Variants in DBR1 observed in about 807,000 individuals in gnomAD.
DBR1 encodes lariat debranching enzyme.
A neutral mutation model predicts 45.9 loss-of-function variants in DBR1; 33 were observed. The ratio of observed to expected loss-of-function variants is 0.72; its 90% CI spans 0.55 to 0.96. The LOEUF (loss-of-function observed/expected upper bound fraction) is 0.96, where lower values mean the gene tolerates loss of function less well. DBR1 is among the 40% of genes least tolerant of loss of function. The pLI is 0.00. For synonymous variants in DBR1, 235 were observed against 235.9 expected, an observed-to-expected ratio of 1.00 and a Z score of 0.04; for missense variants, 619 against 667.4, an observed-to-expected ratio of 0.93 and a Z score of 0.80.
chr3:138,163,038 G>A (rs2042914930), intron 7 of DBR1, among the ~76,000 whole-genome samples: 1 of 152,124 alleles, frequency 6.6e-6, no homozygotes, highest in Non-Finnish European at 1.5e-5. Flanking sequence ...GAGGTGGATA[G>A]CTTGAGCTCA....
In DBR1 at chr3:138,170,165, G is replaced by A. The variant is rs770204989; in HGVS notation, c.431C>T (p.Ser144Leu). 1 of 1,596,392 alleles carries A rather than the reference G, an allele frequency of 6.3e-7. No individual in the cohort carries two copies. The highest frequency in any genetic ancestry group is 8.5e-7 in the Non-Finnish European group (1 of 1,169,824). The change falls in exon 4 of 8, where the codon TCA (serine) becomes TTA (leucine). Residue 144 changes from serine (S) to leucine (L), a missense_variant. Transcript: ENST00000260803. Reference sequence around the variant, plus strand: ...ATGATATATACTCCTGATTGTAGATGAATTATAAGGGGGGCACTCAAAATG... The same window carrying A: ...ATGATATATACTCCTGATTGTAGATAAATTATAAGGGGGGCACTCAAAATG... ...KGHFECPPYN[S>L]STIRSIYHVR...
chr3:138,168,053 G>T (rs926486623), intron 4 of DBR1, among the ~76,000 whole-genome samples: 6 of 151,132 alleles, frequency 4.0e-5, no homozygotes, highest in African/African-American at 1.5e-4. Flanking sequence ...AGATTTACCA[G>T]GAAAAAAAAA....
intron 4 of DBR1, among the ~76,000 whole-genome samples, chr3:138,169,225 T>C (rs1438831009): frequency 6.6e-6 from 1 of 152,214 alleles, no homozygotes; most frequent in Non-Finnish European, 1.5e-5. Context: ...GAGCCTTGGC[T>C]TCTCATCCTT....
At position 138,173,678 on chromosome 3, in the gene DBR1, AAATAAGTTCCG is replaced by A. The variant is rs746906671; in HGVS notation, c.198-63_198-53del. 23 of 1,529,710 alleles carry A rather than the reference AAATAAGTTCCG, an allele frequency of 1.5e-5. No homozygotes were observed. The South Asian group carries it at 2.9e-4, about 19-fold the overall frequency. The allele number at this position is 1,529,710 out of a possible 1,614,324, so 94.8% of individuals were successfully genotyped here. A position where few individuals can be genotyped will look rare whatever the true frequency, so the allele number is the denominator to read the frequency against. ...CCACAATTAGGCATAGCAGAAAAGC[AAATAAGTTCCG>A]AAAAAAAAAAAGAAACTGAGTTCAT... On this transcript the variant is annotated intron_variant, in intron 1 of 7. Transcript: ENST00000260803.
At chr3:138,170,046 A>G in intron 4 of DBR1, 61 bp downstream of exon 4, 2 of 1,086,814 alleles carry the variant, frequency 1.8e-6, no homozygotes, top group Admixed American at 1.9e-5. Context: ...ACCAAAATAC[A>G]TTTTGGCACA....
intron 5 of DBR1, among the ~76,000 whole-genome samples, chr3:138,166,104 A>G (rs900169854): frequency 2.6e-5 from 4 of 152,212 alleles, no homozygotes; most frequent in Non-Finnish European, 4.4e-5. Flanking sequence ...TGAGAAAGGC[A>G]ATGCCCATTA....
intron 7 of DBR1, among the ~76,000 whole-genome samples, 195 bp downstream of exon 7, chr3:138,163,154 G>A (rs915516261): frequency 7.5e-4 from 114 of 152,154 alleles, no homozygotes; most frequent in Non-Finnish European, 1.8e-4. Flanking sequence ...CAGCTACTCT[G>A]GGGGCAGAGG....
At chr3:138,172,782 T>C (rs2042961095) in intron 2 of DBR1, among the ~76,000 whole-genome samples, 1 of 152,150 alleles carries the variant, frequency 6.6e-6, no homozygotes, top group Admixed American at 6.5e-5. Context: ...GTAAATGGCA[T>C]GAAAAAGCGA....
At chr3:138,173,290 A>C (rs2042963396) in intron 2 of DBR1, among the ~76,000 whole-genome samples, 2 of 152,178 alleles carry the variant, frequency 1.3e-5, no homozygotes. Flanking sequence ...TTGCAATTAT[A>C]TTAGCTAGTG....
chr3:138,163,853 C>T lies in DBR1; in HGVS notation c.720G>A (p.Lys240=). The T allele has an allele frequency of 6.2e-7, 1 of 1,610,306 alleles. No homozygotes were observed. The highest frequency in any genetic ancestry group is 1.1e-5 in the South Asian group (1 of 90,918). The part of the protein sequence containing the change: ...KFAALMQHQA[K]DKGQTARATK... ...TTGCTCTGGCTGTCTGTCCTTTATC[C>T]TTTGCCTGGACAATATGAATCATGA... Residue 240 remains lysine, a synonymous_variant, in exon 6 of 8, where the codon AAG becomes AAA. Transcript: ENST00000260803.
rs1346173842 is a variant in DBR1 at position 138,173,633 on chromosome 3, C to T, written c.198-7G>A. The T allele has an allele frequency of 6.2e-7, 1 of 1,606,832 alleles. No individual in the cohort carries two copies. ...TTTCTCTCCAGAGTAATACCTAGAA[C>T]ATAAGAGCAAAGTCAGTTACCACAA... On this transcript the variant is annotated splice_region_variant and splice_polypyrimidine_tract_variant and intron_variant, in intron 1 of 7. Coordinates refer to ENST00000260803, the MANE Select transcript of DBR1 (RefSeq NM_016216.4).
At chr3:138,167,535 G>A (rs2107903964) in intron 4 of DBR1, among the ~76,000 whole-genome samples, 1 of 152,336 alleles carries the variant, frequency 6.6e-6, no homozygotes, top group East Asian at 1.9e-4. Flanking sequence ...CTTATTTTCA[G>A]TGGCAAGGCA....
intron 3 of DBR1, chr3:138,171,423 C>G (rs1054625001): frequency 5.6e-6 from 2 of 357,458 alleles, no homozygotes; most frequent in African/African-American, 2.4e-5. Flanking sequence ...TGTAGTGAGC[C>G]GAGATCGCAC....
rs1204319880 is a variant in DBR1 at position 138,164,099 on chromosome 3, G to GT, written c.715-242_715-241insA. 3.2e-5 allele frequency: 11 copies of GT among 340,802 alleles called. No homozygotes were observed. In the Admixed American group the frequency reaches 4.0e-4, roughly 12 times the overall value. The allele number at this position is 340,802 out of a possible 1,614,324, so 21.1% of individuals were successfully genotyped here. ...AAAATTCAAGGCAAAAACTAATGAT[G>GT]ATGATGATGTTAACTCAAAGCATTG... On this transcript the variant is annotated intron_variant, in intron 5 of 7. Coordinates refer to ENST00000260803, the MANE Select transcript of DBR1 (RefSeq NM_016216.4).
rs775407292 is a variant in DBR1 at position 138,173,501 on chromosome 3, C to T, written c.322+1G>A. On this transcript the variant is annotated splice_donor_variant, in intron 2 of 7. Coordinates refer to ENST00000260803, the MANE Select transcript of DBR1 (RefSeq NM_016216.4). LOFTEE classifies it high-confidence loss of function. ...AAGTATCCACAAACACAATCACATA[C>T]CTAAATAATAAATGTTTGGTGCCAC... The T allele has an allele frequency of 1.9e-5, 31 of 1,613,354 alleles. No homozygotes were observed. Among genetic ancestry groups the T allele is most frequent in the Non-Finnish European group, 2.5e-5 (29 of 1,179,656 alleles).
intron 5 of DBR1, chr3:138,164,262 A>T (rs2042920554): frequency 6.5e-6 from 1 of 154,554 alleles, no homozygotes; most frequent in Non-Finnish European, 1.4e-5. Flanking sequence ...GGTTAGGCAA[A>T]GATTTCTTAG....
chr3:138,165,624 G>C (rs536601326), intron 5 of DBR1, among the ~76,000 whole-genome samples: 2 of 152,074 alleles, frequency 1.3e-5, no homozygotes, highest in Non-Finnish European at 2.9e-5. Context: ...AGCTACTCTG[G>C]ACACTGAGGC....
At chr3:138,170,008 C>T in intron 4 of DBR1, 99 bp downstream of exon 4, 1 of 743,672 alleles carries the variant, frequency 1.3e-6, no homozygotes, top group South Asian at 1.6e-5. Context: ...TACAGAATTG[C>T]TCTTCTTGAA....
intron 3 of DBR1, 197 bp downstream of exon 3, chr3:138,171,436 C>CT (rs1243481125): frequency 4.6e-6 from 2 of 431,790 alleles, no homozygotes; most frequent in Non-Finnish European, 8.0e-6. Flanking sequence ...GATCGCACCA[C>CT]TGCACTCCAT....
Sources: allele counts gnomAD v4.1 joint callset (sites outside exome capture counted in the v4.1 genomes callset), GRCh38; gene constraint gnomAD v4.1.1; transcripts MANE v1.5; gene names NCBI Gene and HGNC (gene_info 2026-07-23, HGNC 2026-07-21).